RAG1: variants seen among roughly 807,000 people sequenced by gnomAD.
RAG1 encodes V(D)J recombination-activating protein 1.
RAG1 carries 35 observed loss-of-function variants against 62.7 expected under a neutral mutation model. That is an observed-to-expected ratio of 0.56 (90% confidence interval 0.43 to 0.74). RAG1 has a LOEUF of 0.74. Among genes scored for constraint, RAG1 ranks in the 30% least tolerant of loss-of-function variants. The pLI is 0.00. For synonymous variants in RAG1, 461 were observed against 470.3 expected, an observed-to-expected ratio of 0.98 and a Z score of 0.26; for missense variants, 1,169 against 1,278.6, an observed-to-expected ratio of 0.91 and a Z score of 1.31.
intron 1 of RAG1, among the ~76,000 whole-genome samples, chr11:36,514,626 G>A (rs1039692760): frequency 6.6e-6 from 1 of 152,226 alleles, no homozygotes; most frequent in African/African-American, 2.4e-5. Context: ...ATCTGGGGGT[G>A]ATGAGAGACA....
At chr11:36,532,792 A>G (rs1860274626) in intron 2 of RAG1, among the ~76,000 whole-genome samples, 1 of 152,000 alleles carries the variant, frequency 6.6e-6, no homozygotes, top group Non-Finnish European at 1.5e-5. Flanking sequence ...CAGTACAATA[A>G]GATATTTTGA....
chr11:36,546,007 C>T (rs756889628), intron 3 of RAG1, among the ~76,000 whole-genome samples: 84 of 152,224 alleles, frequency 5.5e-4, no homozygotes, highest in Non-Finnish European at 5.3e-4. Flanking sequence ...TGTTTTACTA[C>T]CAATTATGTG....
At chr11:36,512,380 G>A (rs953739079) in intron 1 of RAG1, among the ~76,000 whole-genome samples, 2 of 152,246 alleles carry the variant, frequency 1.3e-5, no homozygotes, top group African/African-American at 4.8e-5. Flanking sequence ...ACTTACGAGA[G>A]CAGGAAACAA....
upstream of RAG1, chr11:36,510,520 C>T (rs748277324): frequency 1.3e-5 from 2 of 152,270 alleles, no homozygotes; most frequent in African/African-American, 2.4e-5. Flanking sequence ...AAGATCCCTC[C>T]CGGAATAACT....
chr11:36,572,235 C>G (rs1850759381), intron 1 of RAG1, among the ~76,000 whole-genome samples: 1 of 152,182 alleles, frequency 6.6e-6, no homozygotes. Context: ...GAAAATACAG[C>G]TGCTCTCTTT....
intron 2 of RAG1, among the ~76,000 whole-genome samples, chr11:36,525,825 A>G (rs1055252819): frequency 2.6e-5 from 4 of 152,168 alleles, no homozygotes; most frequent in Non-Finnish European, 5.9e-5. Context: ...GATTGTCTAT[A>G]TAGACAATCA....
At chr11:36,548,630 A>G (rs1361141676) in intron 3 of RAG1, among the ~76,000 whole-genome samples, 4 of 152,250 alleles carry the variant, frequency 2.6e-5, no homozygotes, top group Non-Finnish European at 4.4e-5. Flanking sequence ...AGAGGACACA[A>G]ACAAATGGCA....
intron 1 of RAG1, among the ~76,000 whole-genome samples, chr11:36,572,337 C>T (rs937719625): frequency 7.9e-5 from 12 of 152,164 alleles, no homozygotes; most frequent in African/African-American, 2.9e-4. Flanking sequence ...TTTTCTGCAT[C>T]GCTAGCGATC....
Position 36,573,526 on chromosome 11 carries a change from A to T in RAG1, c.222A>T (p.Pro74=). The T allele has an allele frequency of 6.2e-7, 1 of 1,614,224 alleles. No homozygotes were observed. Among genetic ancestry groups the T allele is most frequent in the Non-Finnish European group, 8.5e-7 (1 of 1,180,044 alleles). ...TGGACAAGGCTGATGGTCAGAAGCC[A>T]GTCCCAACTCAGCCATTGTTAAAAG... ...AVLDKADGQK[P]VPTQPLLKAH... is the part of the protein sequence containing the mutation. Residue 74 remains proline (P), a synonymous_variant, in exon 2 of 2, where the codon CCA becomes CCT. Coordinates refer to ENST00000299440, the MANE Select transcript of RAG1 (RefSeq NM_000448.3).
intron 3 of RAG1, among the ~76,000 whole-genome samples, chr11:36,541,550 T>C (rs969730541): frequency 1.3e-5 from 2 of 152,164 alleles, no homozygotes; most frequent in African/African-American, 2.4e-5. Flanking sequence ...AAATAATGTA[T>C]ACAGTGGTCC....
chr11:36,576,494 G>A lies in RAG1; in HGVS notation c.*58G>A. 6.3e-7 allele frequency: 1 copy of A among 1,595,760 alleles called. No individual in the cohort carries two copies. Among genetic ancestry groups the A allele is most frequent in the Non-Finnish European group, 8.6e-7 (1 of 1,164,536 alleles). On this transcript the variant is annotated 3_prime_UTR_variant, in exon 2 of 2. Transcript: ENST00000299440. ...ATTGAGTTTCCCTCTGGGTTGCATT[G>A]AGGGCTTCTCCTAGCACCCTTTACT...
downstream of RAG1, among the ~76,000 whole-genome samples, chr11:36,538,052 C>G (rs1331553132): frequency 6.6e-6 from 1 of 152,090 alleles, no homozygotes; most frequent in African/African-American, 2.4e-5. Flanking sequence ...AAGGCCCTTA[C>G]TTGTTCAATG....
In RAG1 at chr11:36,576,591, G is replaced by T; in HGVS notation, c.*155G>T. The T allele has an allele frequency of 3.5e-6, 3 of 862,060 alleles. No homozygotes were observed. The highest frequency in any genetic ancestry group is 5.3e-5 in the East Asian group (2 of 38,066). 53.4% of individuals were successfully genotyped at this position (862,060 alleles called of 1,614,324 possible). A position where few individuals can be genotyped will look rare whatever the true frequency, so the allele number is the denominator to read the frequency against. ...GATGCTACAGATGCTCTCAAGTCAG[G>T]AATAGAAACTGATGAGCTGATTGCT... On this transcript the variant is annotated 3_prime_UTR_variant, in exon 2 of 2. Transcript: ENST00000299440.
chr11:36,522,835 A>C (rs1223862726), intron 2 of RAG1, among the ~76,000 whole-genome samples: 1 of 152,172 alleles, frequency 6.6e-6, no homozygotes. Flanking sequence ...GACAAAGGAG[A>C]TCATTTTGGA....
intron 1 of RAG1, among the ~76,000 whole-genome samples, chr11:36,517,524 AGTGT>A (rs372561603): frequency 1.3e-5 from 2 of 151,884 alleles, no homozygotes; most frequent in Admixed American, 6.6e-5. Context: ...GGTTTGTGTA[AGTGT>A]GTGTGTGTGT....
At chr11:36,513,050 G>A (rs959649738) in intron 1 of RAG1, among the ~76,000 whole-genome samples, 1 of 152,182 alleles carries the variant, frequency 6.6e-6, no homozygotes, top group African/African-American at 2.4e-5. Flanking sequence ...TATCATGCGA[G>A]TGAATTCGTT....
At chr11:36,520,216 GC>G (rs1860057610) in exon 2 of RAG1, 1 of 152,122 alleles carries the variant, frequency 6.6e-6, no homozygotes, top group African/African-American at 2.4e-5. Flanking sequence ...AGGACATTCA[GC>G]CAAGAGGGAA....
At chr11:36,516,831 G>A (rs1332958115) in intron 1 of RAG1, among the ~76,000 whole-genome samples, 2 of 152,158 alleles carry the variant, frequency 1.3e-5, no homozygotes, top group South Asian at 4.1e-4. Context: ...TATCTATGTT[G>A]GAGCATGTGC....
intron 1 of RAG1, among the ~76,000 whole-genome samples, chr11:36,514,893 A>AGTGG (rs370803526): frequency 0.013 from 1,939 of 152,346 alleles, 37 homozygotes; most frequent in African/African-American, 0.045. Context: ...GCATGCAAAG[A>AGTGG]TCTTTCAGCA....
Sources: gnomAD v4.1 joint callset for allele counts (sites outside exome capture counted in the v4.1 genomes callset) on GRCh38, gnomAD v4.1.1 for gene constraint, MANE v1.5 for transcripts, NCBI Gene and HGNC (gene_info 2026-07-23, HGNC 2026-07-21) for gene names.